The following NR1H3 variants were observed in gnomAD, a reference collection of about 807,000 sequenced individuals.
NR1H3 encodes the protein oxysterols receptor LXR-alpha.
In NR1H3, 19 loss-of-function variants were observed where a neutral mutation model predicts 48.1. That is an observed-to-expected ratio of 0.40 (90% CI 0.28 to 0.58). The LOEUF (loss-of-function observed/expected upper bound fraction) is 0.58. Ranked by LOEUF, NR1H3 falls within the 20% of genes least tolerant of loss-of-function variation. The pLI is 0.50. For missense variants in NR1H3, 486 were observed against 595.9 expected (o/e 0.82, Z 1.92); for synonymous variants, 232 against 227.3 (o/e 1.02, Z -0.19).
At chr11:47,264,182 A>G (rs936011175) in intron 7 of NR1H3, among the ~76,000 whole-genome samples, 1 of 152,148 alleles carries the variant, frequency 6.6e-6, no homozygotes, top group African/African-American at 2.4e-5. Context: ...AGGGACTGGA[A>G]TTGAGCTTCA....
upstream of NR1H3, among the ~76,000 whole-genome samples, chr11:47,255,525 CTCTTTCTTTCTTTCTTTT>C (rs1269115545): frequency 3.5e-5 from 5 of 143,318 alleles, no homozygotes; most frequent in South Asian, 2.2e-4. Flanking sequence ...GTGATAGACT[CTCTTTCTTTCTTTCTTTT>C]TCTTTCTTTC....
chr11:47,248,828 C>T, upstream of NR1H3: 3 of 1,558,020 alleles, frequency 1.9e-6, no homozygotes, highest in Non-Finnish European at 2.6e-6. Flanking sequence ...CTGGAACCCG[C>T]TGGGTGGCAC....
chr11:47,251,969 A>C (rs1456465366), intron 1 of NR1H3, among the ~76,000 whole-genome samples: 1 of 151,174 alleles, frequency 6.6e-6, no homozygotes, highest in Non-Finnish European at 1.5e-5. Flanking sequence ...GCTGAGCCCT[A>C]GTTTCTTCAC....
At position 47,248,973 on chromosome 11, in the gene NR1H3, C is replaced by G; in HGVS notation, c.-119C>G. 4.6e-6 allele frequency: 7 copies of G among 1,515,242 alleles called. No homozygotes were observed. In the South Asian group the frequency reaches 8.6e-5, roughly 19 times the overall value. The allele number at this position is 1,515,242 out of a possible 1,614,324, so 93.9% of individuals were successfully genotyped here. Reference sequence around the variant, plus strand: ...GGATTGCGTGCAGGAGGGTCGTGGTCTGGCTGTGGCGGAGGAGCATAAGAA... The same window carrying G: ...GGATTGCGTGCAGGAGGGTCGTGGTGTGGCTGTGGCGGAGGAGCATAAGAA... On this transcript the variant is annotated 5_prime_UTR_variant, in exon 1 of 9. Transcript: ENST00000395397.
upstream of NR1H3, among the ~76,000 whole-genome samples, chr11:47,255,438 G>A (rs1954986078): frequency 6.6e-6 from 1 of 152,188 alleles, no homozygotes; most frequent in Non-Finnish European, 1.5e-5. Flanking sequence ...TTAAAGCAAT[G>A]GGAAGACCTA....
chr11:47,255,577 CTTTCTTT>C (rs1955039505), upstream of NR1H3, among the ~76,000 whole-genome samples: 3 of 88,392 alleles, frequency 3.4e-5, no homozygotes, highest in South Asian at 1.3e-3. Context: ...TTCTTTCTTT[CTTTCTTT>C]CTTTCTTTCT....
At chr11:47,262,053 G>A (rs1317998287) in intron 7 of NR1H3, 35 bp downstream of exon 7, 2 of 1,428,574 alleles carry the variant, frequency 1.4e-6, no homozygotes, top group Non-Finnish European at 1.9e-6. Flanking sequence ...TTGGGGTTGG[G>A]TGGACAGATG....
rs529323437 is a variant in NR1H3 at position 47,262,145 on chromosome 11, C to G, written c.988+127C>G. The G allele has an allele frequency of 1.5e-5, 10 of 653,386 alleles. No homozygotes were observed. In the Admixed American group the frequency reaches 2.3e-4, roughly 15 times the overall value. 40.5% of individuals were successfully genotyped at this position (653,386 alleles called of 1,614,324 possible). A position where few individuals can be genotyped will look rare whatever the true frequency, so the allele number is the denominator to read the frequency against. ...CTGTAATCCCAGCACTTTGGGAGGCCGAGGTGGGCAGATCACCAGGTCAGT... is the reference window on the plus strand; with the variant it reads ...CTGTAATCCCAGCACTTTGGGAGGCGGAGGTGGGCAGATCACCAGGTCAGT... On this transcript the variant is annotated intron_variant, in intron 7 of 9. Coordinates refer to ENST00000441012, the MANE Select transcript of NR1H3 (RefSeq NM_005693.4).
chr11:47,255,416 A>G (rs898414378), upstream of NR1H3, among the ~76,000 whole-genome samples: 1 of 152,206 alleles, frequency 6.6e-6, no homozygotes, highest in African/African-American at 2.4e-5. Context: ...ACAAAGTTCA[A>G]AATCCACCAA....
chr11:47,256,469 A>C (rs1270047757), upstream of NR1H3, among the ~76,000 whole-genome samples: 1 of 152,174 alleles, frequency 6.6e-6, no homozygotes, highest in East Asian at 1.9e-4. Flanking sequence ...TTAGGATTTG[A>C]ACCCAAAATC....
chr11:47,252,340 C>T (rs918857565), intron 1 of NR1H3, among the ~76,000 whole-genome samples: 2 of 152,146 alleles, frequency 1.3e-5, no homozygotes, highest in African/African-American at 4.8e-5. Flanking sequence ...CGGCTCACAG[C>T]AACCTCCGCC....
chr11:47,256,654 TAAAAAAAAA>T (rs59002769), upstream of NR1H3, among the ~76,000 whole-genome samples: 1 of 92,136 alleles, frequency 1.1e-5, no homozygotes, highest in Admixed American at 1.1e-4. Flanking sequence ...CCAAAAAAGG[TAAAAAAAAA>T]AAAAAAAAGG....
chr11:47,260,760 A>G, intron 4 of NR1H3, 85 bp downstream of exon 4: 2 of 1,459,288 alleles, frequency 1.4e-6, no homozygotes, highest in East Asian at 2.5e-5. Context: ...CTGAACTTGC[A>G]GGGGCTAACT....
chr11:47,257,248 T>G (rs1249266920), upstream of NR1H3, among the ~76,000 whole-genome samples: 3 of 152,104 alleles, frequency 2.0e-5, no homozygotes, highest in Admixed American at 6.5e-5. Flanking sequence ...TGCCATCACT[T>G]CAGATGGGGT....
upstream of NR1H3, among the ~76,000 whole-genome samples, chr11:47,253,057 C>A (rs1011721485): frequency 1.3e-5 from 2 of 149,798 alleles, no homozygotes; most frequent in South Asian, 2.1e-4. Flanking sequence ...CTCCTGGGCT[C>A]CAACAGTCCT....
upstream of NR1H3, chr11:47,257,638 GC>G: frequency 1.0e-6 from 1 of 985,240 alleles, no homozygotes. Flanking sequence ...TCCACGAGGT[GC>G]CTATGGAGGG....
At chr11:47,251,382 C>T (rs535883747) in intron 1 of NR1H3, among the ~76,000 whole-genome samples, 16 of 152,078 alleles carry the variant, frequency 1.1e-4, no homozygotes, top group East Asian at 3.9e-4. Flanking sequence ...GAGGACGAGG[C>T]GGGTGGATCA....
At chr11:47,254,075 G>A (rs1455835870), upstream of NR1H3, among the ~76,000 whole-genome samples, 1 of 152,186 alleles carries the variant, frequency 6.6e-6, no homozygotes, top group African/African-American at 2.4e-5. Flanking sequence ...TTTCTGAGCT[G>A]TAACCTGATA....
At chr11:47,267,886 G>C (rs576785954) in intron 7 of NR1H3, 27 bp from the exon 8 acceptor site, 1 of 1,499,766 alleles carries the variant, frequency 6.7e-7, no homozygotes, top group Admixed American at 1.7e-5. Context: ...CCTGCTGCTT[G>C]CGTCAGCCTC....
Sources: gnomAD v4.1 joint callset for allele counts (sites outside exome capture counted in the v4.1 genomes callset) on GRCh38, gnomAD v4.1.1 for gene constraint, MANE v1.5 for transcripts, NCBI Gene and HGNC (gene_info 2026-07-23, HGNC 2026-07-21) for gene names.